Variants in CCDC141 observed in about 807,000 individuals in gnomAD.
CCDC141 encodes coiled-coil domain-containing protein 141.
Under a neutral mutation model 181.0 loss-of-function variants are expected in CCDC141, and 168 were observed. The ratio of observed to expected loss-of-function variants is 0.93; its 90% confidence interval spans 0.82 to 1.05. CCDC141 has a LOEUF of 1.05. Among genes scored for constraint, CCDC141 ranks in the 50% least tolerant of loss-of-function variants. The pLI, the probability that CCDC141 is intolerant of heterozygous loss-of-function variation, is 0.00. For missense variants in CCDC141, 1,902 were observed against 1,788.5 expected (o/e 1.06, Z -1.14); for synonymous variants, 666 against 642.3 (o/e 1.04, Z -0.56).
intron 6 of CCDC141, among the ~76,000 whole-genome samples, chr2:178,935,301 T>G: frequency 6.6e-6 from 1 of 152,110 alleles, no homozygotes; most frequent in Non-Finnish European, 1.5e-5. Flanking sequence ...AAGACCCCAG[T>G]GTCGATTGTT....
chr2:178,953,274 A>G (rs1462656834), intron 5 of CCDC141, among the ~76,000 whole-genome samples: 1 of 152,120 alleles, frequency 6.6e-6, no homozygotes, highest in Non-Finnish European at 1.5e-5. Flanking sequence ...ATCTGTACTT[A>G]AAATACAAAA....
At chr2:178,884,769 C>A in intron 11 of CCDC141, 132 bp downstream of exon 11, 2 of 583,056 alleles carry the variant, frequency 3.4e-6, no homozygotes, top group Admixed American at 5.9e-5. Flanking sequence ...GAATACAGGG[C>A]CTATAAGTGA....
At chr2:178,883,350 A>G (rs1450329953) in intron 11 of CCDC141, among the ~76,000 whole-genome samples, 1 of 152,222 alleles carries the variant, frequency 6.6e-6, no homozygotes, top group African/African-American at 2.4e-5. Flanking sequence ...TGATGTGATT[A>G]TTACACATTG....
chr2:179,050,047 C>G lies in CCDC141; in HGVS notation c.-106G>C. Reference sequence around the variant, plus strand: ...TACTTGGATTCATTCAGGGAAAGAGCTCAGCTCACACTGATTACTCTGCCA... The same window carrying G: ...TACTTGGATTCATTCAGGGAAAGAGGTCAGCTCACACTGATTACTCTGCCA... On this transcript the variant is annotated 5_prime_UTR_variant, in exon 1 of 24. Transcript: ENST00000443758. The G allele has an allele frequency of 1.9e-5, 29 of 1,509,158 alleles. No individual in the cohort carries two copies. The South Asian group carries it at 3.6e-4, about 19-fold the overall frequency. 93.5% of individuals were successfully genotyped at this position (1,509,158 alleles called of 1,614,324 possible). A position where few individuals can be genotyped will look rare whatever the true frequency, so the allele number is the denominator to read the frequency against.
At chr2:178,994,676 C>G (rs11695926) in intron 2 of CCDC141, among the ~76,000 whole-genome samples, 73,333 of 152,002 alleles carry the variant, frequency 0.48, 19,363 homozygotes, top group East Asian at 0.64. Flanking sequence ...TCTTTTCTGT[C>G]GCATTGTCAA....
downstream of CCDC141, among the ~76,000 whole-genome samples, chr2:178,827,951 C>T (rs1183506250): frequency 2.6e-5 from 4 of 152,152 alleles, no homozygotes; most frequent in Non-Finnish European, 4.4e-5. Flanking sequence ...CTTTTAGCTT[C>T]CAGCGATTGC....
chr2:178,961,667 A>T (rs1269563865), intron 4 of CCDC141, among the ~76,000 whole-genome samples, 184 bp from the exon 5 acceptor site: 1 of 152,230 alleles, frequency 6.6e-6, no homozygotes, highest in African/African-American at 2.4e-5. Flanking sequence ...AAACTGGTCA[A>T]ACACCTTAGC....
chr2:178,835,126 C>G (rs574178233), intron 23 of CCDC141, among the ~76,000 whole-genome samples: 14 of 152,146 alleles, frequency 9.2e-5, no homozygotes, highest in Admixed American at 5.2e-4. Flanking sequence ...TTCTTTTTGC[C>G]ACTCTGGAAC....
chr2:179,021,270 G>A (rs2042684984), intron 2 of CCDC141, among the ~76,000 whole-genome samples: 1 of 152,102 alleles, frequency 6.6e-6, no homozygotes, highest in African/African-American at 2.4e-5. Flanking sequence ...ATTTTTTCTG[G>A]TGAAAGAGAA....
intron 2 of CCDC141, among the ~76,000 whole-genome samples, chr2:179,022,909 T>C (rs2042727950): frequency 6.8e-6 from 1 of 146,286 alleles, no homozygotes; most frequent in Admixed American, 7.0e-5. Context: ...GGCCTCAGTA[T>C]TGCTAACTGA....
At chr2:178,922,149 G>T (rs1437088369) in intron 6 of CCDC141, among the ~76,000 whole-genome samples, 1 of 152,158 alleles carries the variant, frequency 6.6e-6, no homozygotes, top group African/African-American at 2.4e-5. Context: ...TGTCTTAACT[G>T]TCTGCAAGAT....
rs1479001651 is a variant in CCDC141, at chr2:178,836,893, C to T, written c.4325+1G>A. The T allele has an allele frequency of 6.9e-6, 11 of 1,601,098 alleles. No individual in the cohort carries two copies. Among genetic ancestry groups the T allele is most frequent in the Non-Finnish European group, 9.3e-6 (11 of 1,176,706 alleles). On this transcript the variant is annotated splice_donor_variant, in intron 23 of 23. Transcript: ENST00000443758. LOFTEE classifies it high-confidence loss of function. ...ATGGCTTGTCATTATAGGCTACCCA[C>T]CATGTCAGTGTAGGCTCTGGAAATC...
the CCDC141 span, among the ~76,000 whole-genome samples, chr2:178,820,848 T>C: frequency 2.6e-5 from 4 of 152,192 alleles, no homozygotes; most frequent in Non-Finnish European, 5.9e-5. Context: ...ACCATGTGCG[T>C]GGACATTTTG....
At chr2:178,891,644 C>T (rs1464960328) in intron 8 of CCDC141, among the ~76,000 whole-genome samples, 6 of 152,094 alleles carry the variant, frequency 3.9e-5, no homozygotes, top group African/African-American at 4.8e-5. Context: ...CAAATTACTA[C>T]GTTTCTTGAA....
chr2:178,846,270 T>C (rs1366276557), intron 21 of CCDC141, among the ~76,000 whole-genome samples: 1 of 152,180 alleles, frequency 6.6e-6, no homozygotes, highest in Non-Finnish European at 1.5e-5. Context: ...GATATTTTGT[T>C]CCCTGCATTT....
chr2:179,032,703 G>A (rs1488322943), intron 2 of CCDC141, among the ~76,000 whole-genome samples: 4 of 151,996 alleles, frequency 2.6e-5, no homozygotes, highest in Admixed American at 1.3e-4. Context: ...GTTTATAGTT[G>A]CAGTTAGTGG....
intron 5 of CCDC141, among the ~76,000 whole-genome samples, chr2:178,950,692 A>G (rs1689918264): frequency 6.6e-6 from 1 of 152,158 alleles, no homozygotes. Context: ...CCCTTTGTGA[A>G]TTACTGAAAT....
chr2:178,884,800 G>A, intron 11 of CCDC141, 101 bp downstream of exon 11: 2 of 861,308 alleles, frequency 2.3e-6, no homozygotes, highest in Non-Finnish European at 3.6e-6. Context: ...AGGGGTAGAG[G>A]ATATGGACCT....
At chr2:178,982,883 G>A (rs1185122350) in intron 2 of CCDC141, among the ~76,000 whole-genome samples, 1 of 152,186 alleles carries the variant, frequency 6.6e-6, no homozygotes, top group African/African-American at 2.4e-5. Flanking sequence ...CAGCCAGGCT[G>A]GGGGAGGGGC....
Sources: gnomAD v4.1 joint callset for allele counts (sites outside exome capture counted in the v4.1 genomes callset) on GRCh38, gnomAD v4.1.1 for gene constraint, MANE v1.5 for transcripts, NCBI Gene and HGNC (gene_info 2026-07-23, HGNC 2026-07-21) for gene names.